Variants in RAB1A observed in about 807,000 individuals in gnomAD.
RAB1A encodes ras-related protein Rab-1A.
Under a neutral mutation model 26.0 loss-of-function variants are expected in RAB1A, and 2 were observed. The ratio of observed to expected loss-of-function variants is 0.08; its 90% CI spans 0.03 to 0.24. RAB1A has a LOEUF of 0.24. RAB1A is among the 10% of genes least tolerant of loss of function. RAB1A has a pLI of 1.00. For synonymous variants in RAB1A, 84 were observed against 84.9 expected, an observed-to-expected ratio of 0.99 and a Z score of 0.06; for missense variants, 100 against 247.0, an observed-to-expected ratio of 0.40 and a Z score of 3.99.
chr2:65,094,375 G>A (rs1008149397), intron 3 of RAB1A, among the ~76,000 whole-genome samples: 27 of 152,018 alleles, frequency 1.8e-4, no homozygotes, highest in African/African-American at 5.8e-4. Flanking sequence ...ACCTGAGGTC[G>A]GGAGTTCGAG....
chr2:65,104,694 T>C (rs747707873), intron 2 of RAB1A, 40 bp downstream of exon 2: 55 of 1,373,302 alleles, frequency 4.0e-5, no homozygotes, highest in Non-Finnish European at 5.0e-5. Context: ...ATAGCATTAA[T>C]TGTACCATTA....
chr2:65,110,833 G>A (rs998980418), intron 1 of RAB1A, among the ~76,000 whole-genome samples: 50 of 152,006 alleles, frequency 3.3e-4, no homozygotes, highest in African/African-American at 1.2e-3. Flanking sequence ...CTACTTGAGA[G>A]GCTGAGGCAG....
intron 1 of RAB1A, among the ~76,000 whole-genome samples, chr2:65,105,786 G>A (rs1056384223): frequency 2.0e-5 from 3 of 150,208 alleles, no homozygotes; most frequent in Admixed American, 6.6e-5. Context: ...TTTTTGAGAC[G>A]GAGTCTTGCT....
intron 1 of RAB1A, among the ~76,000 whole-genome samples, chr2:65,122,381 T>C (rs1268780254): frequency 7.5e-5 from 4 of 53,524 alleles, no homozygotes; most frequent in Non-Finnish European, 1.4e-4. Flanking sequence ...ATCCCATCCC[T>C]ACAAAAAATA....
intron 1 of RAB1A, among the ~76,000 whole-genome samples, chr2:65,128,753 A>G (rs1483436758): frequency 6.6e-6 from 1 of 152,144 alleles, no homozygotes; most frequent in Non-Finnish European, 1.5e-5. Flanking sequence ...ATGTTCCCCC[A>G]TCCCTCAAAG....
Position 65,088,963 on chromosome 2 carries a change from T to C in RAB1A, c.396A>G (p.Lys132=), listed in dbSNP as rs759100320. ...VGNKCDLTTK[K]VVDYTTAKEF... is the part of the protein sequence containing the mutation. ...CCTTCGCTGTTGTGTAGTCTACTAC[T>C]TTCTTTGTGGTCAGATCACATTTGT... is the stretch of plus-strand genomic sequence containing the variant. Residue 132 remains lysine (K), a synonymous_variant, in exon 5 of 6, where the codon AAA becomes AAG. Transcript: ENST00000409784. The C allele has an allele frequency of 3.1e-6, 5 of 1,607,142 alleles. No homozygotes were observed. The highest frequency in any genetic ancestry group is 8.5e-7 in the Non-Finnish European group (1 of 1,176,200).
chr2:65,093,475 T>A (rs1260450779), intron 3 of RAB1A, among the ~76,000 whole-genome samples: 1 of 152,004 alleles, frequency 6.6e-6, no homozygotes, highest in East Asian at 1.9e-4. Flanking sequence ...GACCCAGATG[T>A]CACACCTGAA....
chr2:65,101,940 G>T (rs548426880), intron 2 of RAB1A, among the ~76,000 whole-genome samples: 10 of 151,696 alleles, frequency 6.6e-5, no homozygotes, highest in African/African-American at 2.4e-4. Context: ...GTAGAGACAG[G>T]GTTTCTCCAT....
chr2:65,110,313 C>G (rs977483839), intron 1 of RAB1A, among the ~76,000 whole-genome samples: 1 of 151,874 alleles, frequency 6.6e-6, no homozygotes, highest in African/African-American at 2.4e-5. Context: ...TGGCGGCACA[C>G]GCCTGTAGTC....
At chr2:65,107,063 T>C (rs1669579501) in intron 1 of RAB1A, among the ~76,000 whole-genome samples, 1 of 151,628 alleles carries the variant, frequency 6.6e-6, no homozygotes, top group Non-Finnish European at 1.5e-5. Context: ...CCAAATATTC[T>C]TTTTTTGTTT....
Position 65,103,299 on chromosome 2 carries a change from C to CAAAAAAAAAAAAAAAAAAAAAAAA in RAB1A, c.96+1434_96+1435insTTTTTTTTTTTTTTTTTTTTTTTT, listed in dbSNP as rs1201745425. ...TTGGCAACACAGCCAGAATCTGTCTCAAAAAAAAAAAAAAACATTGTTTTA... is the reference window on the plus strand; with the variant it reads ...TTGGCAACACAGCCAGAATCTGTCTCAAAAAAAAAAAAAAAAAAAAAAAAAAAAAAAAAAAAAAACATTGTTTTA... On this transcript the variant is annotated intron_variant, in intron 2 of 5. Coordinates refer to ENST00000409784, the MANE Select transcript of RAB1A (RefSeq NM_004161.5). Among the ~76,000 whole-genome samples, 90 of 44,104 alleles carry CAAAAAAAAAAAAAAAAAAAAAAAA rather than the reference C, an allele frequency of 2.0e-3. 2 individuals carry two copies. The highest frequency in any genetic ancestry group is 2.8e-3 in the South Asian group (3 of 1,060). 28.9% of individuals were successfully genotyped at this position (44,104 alleles called of 152,430 possible). A position where few individuals can be genotyped will look rare whatever the true frequency, so the allele number is the denominator to read the frequency against.
At chr2:65,125,351 A>G (rs1394056887) in intron 1 of RAB1A, among the ~76,000 whole-genome samples, 2 of 152,060 alleles carry the variant, frequency 1.3e-5, no homozygotes, top group Non-Finnish European at 2.9e-5. Flanking sequence ...CACTAAAAAA[A>G]TCCACTGGAA....
At chr2:65,097,225 A>T (rs967029164) in intron 3 of RAB1A, among the ~76,000 whole-genome samples, 26 of 152,190 alleles carry the variant, frequency 1.7e-4, no homozygotes, top group African/African-American at 6.3e-4. Flanking sequence ...TTTATTTTTT[A>T]AAAGACCACA....
intron 2 of RAB1A, among the ~76,000 whole-genome samples, chr2:65,098,836 CTTTTT>C (rs70943624): frequency 9.7e-6 from 1 of 103,430 alleles, no homozygotes; most frequent in Non-Finnish European, 1.9e-5. Flanking sequence ...AACAGTACTT[CTTTTT>C]TTTTTTTTTT....
chr2:65,110,815 A>T (rs1669678308), intron 1 of RAB1A, among the ~76,000 whole-genome samples: 2 of 152,100 alleles, frequency 1.3e-5, no homozygotes, highest in African/African-American at 2.4e-5. Flanking sequence ...CTATGCCTGT[A>T]GTCCCAGCTA....
At chr2:65,098,473 C>A (rs1293872383) in intron 2 of RAB1A, among the ~76,000 whole-genome samples, 2 of 152,114 alleles carry the variant, frequency 1.3e-5, no homozygotes, top group Non-Finnish European at 2.9e-5. Flanking sequence ...ATTTATTCAC[C>A]ACAAAACAAC....
chr2:65,109,206 T>A (rs890787970), intron 1 of RAB1A, among the ~76,000 whole-genome samples: 4 of 152,164 alleles, frequency 2.6e-5, no homozygotes, highest in Non-Finnish European at 5.9e-5. Context: ...ACAGTAAAAA[T>A]GTTGATAGAA....
At position 65,122,154 on chromosome 2, in the gene RAB1A, TCAAAAAAAAA is replaced by T. The variant is rs1460806024; in HGVS notation, c.23+7729_23+7738del. 5.1e-3 allele frequency among the ~76,000 whole-genome samples: 593 copies of T among 115,772 alleles called. 22 individuals carry two copies. Among genetic ancestry groups the T allele is most frequent in the African/African-American group, 0.015 (406 of 26,746 alleles). The allele number at this position is 115,772 out of a possible 152,430, so 76.0% of individuals were successfully genotyped here. Reference sequence around the variant, plus strand: ...CTGGGTGACAGAGCAAGACTCTATCTCAAAAAAAAAAAAAAAAAAAAAAAAAAAAAAGCTG... The same window carrying T: ...CTGGGTGACAGAGCAAGACTCTATCTAAAAAAAAAAAAAAAAAAAAAGCTG... On this transcript the variant is annotated intron_variant, in intron 1 of 5. Transcript: ENST00000409784.
chr2:65,115,061 A>G (rs1669794231), intron 1 of RAB1A, among the ~76,000 whole-genome samples: 1 of 152,144 alleles, frequency 6.6e-6, no homozygotes, highest in Non-Finnish European at 1.5e-5. Context: ...ACCTTCCACC[A>G]TATGATAACA....
Sources: gnomAD v4.1 joint callset for allele counts (sites outside exome capture counted in the v4.1 genomes callset) on GRCh38, gnomAD v4.1.1 for gene constraint, MANE v1.5 for transcripts, NCBI Gene and HGNC (gene_info 2026-07-23, HGNC 2026-07-21) for gene names.